Variants in KCNJ6 observed in about 807,000 individuals in gnomAD.
KCNJ6 encodes the protein G protein-activated inward rectifier potassium channel 2.
In KCNJ6, 9 loss-of-function variants were observed where a neutral mutation model predicts 34.2. That is an observed-to-expected ratio of 0.26 (90% CI 0.16 to 0.46). The LOEUF (loss-of-function observed/expected upper bound fraction) is 0.46, where lower values mean the gene tolerates loss of function less well. Among genes scored for constraint, KCNJ6 ranks in the 20% least tolerant of loss-of-function variants. The pLI is 1.00. For missense variants in KCNJ6, 236 were observed against 531.3 expected (o/e 0.44, Z 5.46); for synonymous variants, 196 against 207.1 (o/e 0.95, Z 0.46).
chr21:37,794,414 C>T (rs2055231182), intron 2 of KCNJ6, among the ~76,000 whole-genome samples: 2 of 152,130 alleles, frequency 1.3e-5, no homozygotes, highest in Non-Finnish European at 1.5e-5. Flanking sequence ...AATACCAGTT[C>T]AACAAGGTTG....
chr21:37,702,695 G>A (rs1020148017), intron 3 of KCNJ6, among the ~76,000 whole-genome samples: 6 of 152,162 alleles, frequency 3.9e-5, no homozygotes, highest in South Asian at 4.1e-4. Flanking sequence ...GGCTGAAGTC[G>A]CTGAGAAGGA....
At chr21:37,661,888 A>G (rs1230096511) in intron 3 of KCNJ6, among the ~76,000 whole-genome samples, 22 of 151,872 alleles carry the variant, frequency 1.4e-4, no homozygotes. Context: ...TCGGCCTCCC[A>G]AAGTGCTGAG....
chr21:37,841,141 A>G (rs2055478776), intron 1 of KCNJ6, among the ~76,000 whole-genome samples: 2 of 152,188 alleles, frequency 1.3e-5, no homozygotes, highest in South Asian at 4.2e-4. Context: ...GATTTTATAC[A>G]TATTTCTTTG....
intron 2 of KCNJ6, among the ~76,000 whole-genome samples, chr21:37,801,626 C>T (rs2055269753): frequency 6.6e-6 from 1 of 152,200 alleles, no homozygotes; most frequent in South Asian, 2.1e-4. Context: ...TCCCAGCCTT[C>T]CCACTTCTCA....
Position 37,734,892 on chromosome 21 carries a change from C to T in KCNJ6, c.26-19761G>A, listed in dbSNP as rs76932131. On this transcript the variant is annotated intron_variant, in intron 2 of 3. Coordinates refer to ENST00000609713, the MANE Select transcript of KCNJ6 (RefSeq NM_002240.5). ...ACTCATTTGAGCTTAGGATAACCTA[C>T]GCACATCTTGGTTCTGTGGAACGTA... Among the ~76,000 whole-genome samples, 247 of 152,242 alleles carry T rather than the reference C, an allele frequency of 1.6e-3. 1 individual carries two copies. Among genetic ancestry groups the T allele is most frequent in the Non-Finnish European group, 2.5e-3 (171 of 68,012 alleles).
chr21:37,727,234 T>A (rs2054859322), intron 2 of KCNJ6, among the ~76,000 whole-genome samples: 1 of 152,156 alleles, frequency 6.6e-6, no homozygotes, highest in Non-Finnish European at 1.5e-5. Context: ...ATAAGTCTCT[T>A]TTGTTTTAAG....
At chr21:37,776,145 C>T (rs1407391031) in intron 2 of KCNJ6, among the ~76,000 whole-genome samples, 1 of 151,948 alleles carries the variant, frequency 6.6e-6, no homozygotes, top group African/African-American at 2.4e-5. Flanking sequence ...TTATTTGGCT[C>T]TCTGTCTGTT....
At chr21:37,725,569 G>A (rs890468495) in intron 2 of KCNJ6, among the ~76,000 whole-genome samples, 13 of 152,202 alleles carry the variant, frequency 8.5e-5, no homozygotes, top group Non-Finnish European at 1.3e-4. Context: ...TATGTATTAT[G>A]TGTAATAGCA....
At chr21:37,719,655 G>A (rs934292704) in intron 2 of KCNJ6, 4 of 152,188 alleles carry the variant, frequency 2.6e-5, no homozygotes, top group Non-Finnish European at 4.4e-5. Flanking sequence ...GTGAAGGTCA[G>A]TTTTTCTCCT....
chr21:37,627,288 T>C (rs2835845), intron 3 of KCNJ6, among the ~76,000 whole-genome samples: 9,635 of 152,240 alleles, frequency 0.063, 460 homozygotes, highest in Middle Eastern at 0.14. Flanking sequence ...TTTTCAATGT[T>C]TCCCTGAATG....
Position 37,735,039 on chromosome 21 carries a change from GAC to G in KCNJ6, c.26-19910_26-19909del, listed in dbSNP as rs990363799. 1.4e-4 allele frequency among the ~76,000 whole-genome samples: 22 copies of G among 152,182 alleles called. No homozygotes were observed. In the South Asian group the frequency reaches 2.9e-3, roughly 20 times the overall value. On this transcript the variant is annotated intron_variant, in intron 2 of 3. Transcript: ENST00000609713. ...GCCCAGCATGTCCCCGTTTCCACCT[GAC>G]ACAGCCCAAAGCTGTCAGCCCAAGC...
intron 1 of KCNJ6, among the ~76,000 whole-genome samples, chr21:37,857,781 G>A (rs2055572582): frequency 6.6e-6 from 1 of 152,194 alleles, no homozygotes; most frequent in Non-Finnish European, 1.5e-5. Context: ...AGACAAGCTG[G>A]AAGCTGAACA....
chr21:37,619,071 A>G lies in KCNJ6; in HGVS notation c.*6088T>C, dbSNP rs2054282276. 1 of 152,240 alleles carries G rather than the reference A, an allele frequency of 6.6e-6. No individual in the cohort carries two copies. Among genetic ancestry groups the G allele is most frequent in the Non-Finnish European group, 1.5e-5 (1 of 68,044 alleles). 9.4% of individuals were successfully genotyped at this position (152,240 alleles called of 1,614,324 possible). On this transcript the variant is annotated 3_prime_UTR_variant, in exon 4 of 4. Coordinates refer to ENST00000609713, the MANE Select transcript of KCNJ6 (RefSeq NM_002240.5). Reference sequence around the variant, plus strand: ...CCTACTTAGTTTCAGACGCAGGATCAAATCCATCCTTTATCTGTCGACAAT... The same window carrying G: ...CCTACTTAGTTTCAGACGCAGGATCGAATCCATCCTTTATCTGTCGACAAT...
At chr21:37,906,866 G>C (rs1485979616) in intron 1 of KCNJ6, among the ~76,000 whole-genome samples, 1 of 152,158 alleles carries the variant, frequency 6.6e-6, no homozygotes, top group Non-Finnish European at 1.5e-5. Flanking sequence ...TGTGGGCCCA[G>C]CCACCCCAGG....
chr21:37,904,326 C>A (rs762480604), intron 1 of KCNJ6, among the ~76,000 whole-genome samples: 3 of 152,128 alleles, frequency 2.0e-5, no homozygotes, highest in African/African-American at 4.8e-5. Context: ...AAAGACTCAG[C>A]CTTGCTAACT....
Position 37,840,641 on chromosome 21 carries a change from A to G in KCNJ6, c.25+17T>C. 1 of 1,580,144 alleles carries G rather than the reference A, an allele frequency of 6.3e-7. No individual in the cohort carries two copies. The highest frequency in any genetic ancestry group is 8.7e-7 in the Non-Finnish European group (1 of 1,154,832). ...CATTCAAAACAAAAAATAAATAATA[A>G]ATTTGAAGCTACTCACTCATGGATT... On this transcript the variant is annotated intron_variant, in intron 2 of 3. Transcript: ENST00000609713.
chr21:37,684,415 T>C (rs1044679331), intron 3 of KCNJ6, among the ~76,000 whole-genome samples: 1 of 152,094 alleles, frequency 6.6e-6, no homozygotes, highest in Non-Finnish European at 1.5e-5. Flanking sequence ...TAGGACCTCA[T>C]CTAACTTAAC....
chr21:37,900,429 T>G (rs2055811200), intron 1 of KCNJ6, among the ~76,000 whole-genome samples: 1 of 152,182 alleles, frequency 6.6e-6, no homozygotes, highest in South Asian at 2.1e-4. Flanking sequence ...TAGGGAAACA[T>G]CAGTGAACAA....
intron 3 of KCNJ6, among the ~76,000 whole-genome samples, chr21:37,654,738 G>A (rs1028578111): frequency 1.3e-5 from 2 of 152,204 alleles, no homozygotes; most frequent in African/African-American, 4.8e-5. Flanking sequence ...CAGGGACAGA[G>A]CAAATTCATG....
Sources: allele counts gnomAD v4.1 joint callset (sites outside exome capture counted in the v4.1 genomes callset), GRCh38; gene constraint gnomAD v4.1.1; transcripts MANE v1.5; gene names NCBI Gene and HGNC (gene_info 2026-07-23, HGNC 2026-07-21).